The following LRWD1 variants were observed in gnomAD, a reference collection of about 807,000 sequenced individuals.
LRWD1 encodes leucine-rich repeat and WD repeat-containing protein 1.
LRWD1 carries 76 observed loss-of-function variants against 75.6 expected under a neutral mutation model. The ratio of observed to expected loss-of-function variants is 1.01; its 90% CI spans 0.84 to 1.22. The LOEUF (loss-of-function observed/expected upper bound fraction) is 1.22. Ranked by LOEUF, LRWD1 falls within the 50% of genes most tolerant of loss-of-function variation. LRWD1 has a pLI of 0.00. For synonymous variants in LRWD1, 487 were observed against 377.0 expected (o/e 1.29, Z -3.38); for missense variants, 917 against 862.0 (o/e 1.06, Z -0.80).
chr7:102,472,305 C>G lies in LRWD1; in HGVS notation c.1530C>G (p.Ile510Met). The G allele has an allele frequency of 1.3e-6, 2 of 1,572,802 alleles. No individual in the cohort carries two copies. The highest frequency in any genetic ancestry group is 2.3e-5 in the South Asian group (2 of 86,228). ...VDGLAFVNED[I>M]VASKGSGLGT... ...GGCTGGCATTTGTGAATGAGGACATCGTGGGTGAGTGAGCTCAGCTTGTGG... is the reference window on the plus strand; with the variant it reads ...GGCTGGCATTTGTGAATGAGGACATGGTGGGTGAGTGAGCTCAGCTTGTGG... Residue 510 changes from isoleucine (I) to methionine (M), a missense_variant, in exon 12 of 15, where the codon ATC becomes ATG. Transcript: ENST00000292616.
Position 102,473,036 on chromosome 7 carries a change from G to A in LRWD1, c.1931G>A (p.Trp644Ter). The A allele has an allele frequency of 6.2e-7, 1 of 1,613,438 alleles. No homozygotes were observed. The highest frequency in any genetic ancestry group is 8.5e-7 in the Non-Finnish European group (1 of 1,179,654). The change falls in exon 15 of 15, where the codon TGG becomes TAG. Residue 644 changes from tryptophan to a stop codon, truncating the protein, a stop_gained. Coordinates refer to ENST00000292616, the MANE Select transcript of LRWD1 (RefSeq NM_152892.3). LOFTEE classifies it high-confidence loss of function. Reference sequence around the variant, plus strand: ...ACGGACTCCAACATCGTAGCCATCTGGGGGAGGATGTAGCCTCACACCATC... The same window carrying A: ...ACGGACTCCAACATCGTAGCCATCTAGGGGAGGATGTAGCCTCACACCATC... Reference protein sequence around the residue: ...ALTDSNIVAIWGRM With the variant: ...ALTDSNIVAI
intron 5 of LRWD1, 90 bp downstream of exon 5, chr7:102,467,913 A>G: frequency 1.3e-6 from 2 of 1,503,570 alleles, no homozygotes; most frequent in African/African-American, 1.4e-5. Flanking sequence ...GCATGTGCCC[A>G]GGAAGCACCC....
rs1798276332 is a variant in LRWD1 at position 102,473,148 on chromosome 7, A to AAACTC, written c.*100_*104dup. 2.2e-6 allele frequency: 3 copies of AAACTC among 1,339,492 alleles called. No individual in the cohort carries two copies. Among genetic ancestry groups the AAACTC allele is most frequent in the Non-Finnish European group, 3.1e-6 (3 of 978,642 alleles). 83.0% of individuals were successfully genotyped at this position (1,339,492 alleles called of 1,614,324 possible). On this transcript the variant is annotated 3_prime_UTR_variant, in exon 15 of 15. Coordinates refer to ENST00000292616, the MANE Select transcript of LRWD1 (RefSeq NM_152892.3). ...GGGTCTTTCAGTGAATATTTTTATT[A>AAACTC]AACTCTACTGTGGACAAGAAGCCTG...
chr7:102,472,138 G>A, intron 11 of LRWD1, 80 bp from the exon 12 acceptor site: 5 of 1,282,460 alleles, frequency 3.9e-6, no homozygotes, highest in Non-Finnish European at 5.5e-6. Flanking sequence ...TCCCCAGCAG[G>A]TGCGCTGCAG....
At chr7:102,468,725 A>C (rs1798093601) in intron 8 of LRWD1, 71 bp downstream of exon 8, 1 of 1,530,206 alleles carries the variant, frequency 6.5e-7, no homozygotes, top group Non-Finnish European at 8.8e-7. Flanking sequence ...ATGGGGATGG[A>C]TGCAGGCTCG....
In LRWD1 at chr7:102,467,493, C is replaced by T. The variant is rs778776721; in HGVS notation, c.573+14C>T. On this transcript the variant is annotated intron_variant, in intron 4 of 14. Transcript: ENST00000292616. ...ACCCAGTGGCGGGTATGTCCCTGTC[C>T]CAATGTGCAGGGAGTCACTGGCTCT... 6.8e-6 allele frequency: 11 copies of T among 1,611,378 alleles called. No homozygotes were observed. The highest frequency in any genetic ancestry group is 2.2e-5 in the East Asian group (1 of 44,838).
In LRWD1 at chr7:102,468,818, T is replaced by C. The variant is rs769477723; in HGVS notation, c.1021-37T>C. 13 of 1,600,820 alleles carry C rather than the reference T, an allele frequency of 8.1e-6. No individual in the cohort carries two copies. The East Asian group carries it at 8.9e-5, about 11-fold the overall frequency. Reference sequence around the variant, plus strand: ...CTACCCGCGTGTTCACACCAATAGCTCTGCCCCAGTGACTGTTTACTCTAA... The same window carrying C: ...CTACCCGCGTGTTCACACCAATAGCCCTGCCCCAGTGACTGTTTACTCTAA... On this transcript the variant is annotated intron_variant, in intron 8 of 14. Coordinates refer to ENST00000292616, the MANE Select transcript of LRWD1 (RefSeq NM_152892.3).
chr7:102,467,171 GGTGTGTGTGT>G lies in LRWD1; in HGVS notation c.433-133_433-124del, dbSNP rs1209487514. Among the ~76,000 whole-genome samples, 88 of 99,136 alleles carry G rather than the reference GGTGTGTGTGT, an allele frequency of 8.9e-4. 2 individuals carry two copies. The highest frequency in any genetic ancestry group is 1.4e-3 in the African/African-American group (32 of 22,810). The allele number at this position is 99,136 out of a possible 152,430, so 65.0% of individuals were successfully genotyped here. ...TGGGTTGTTGCTGGGGTGTGTGTGG[GGTGTGTGTGT>G]GTGTGTGTGTGTGTGTGTGTGTGTG... On this transcript the variant is annotated intron_variant, in intron 3 of 14. Transcript: ENST00000292616.
chr7:102,465,245 T>G, intron 1 of LRWD1, 85 bp downstream of exon 1: 1 of 1,259,282 alleles, frequency 7.9e-7, no homozygotes, highest in Non-Finnish European at 1.0e-6. Flanking sequence ...ACGGCCCGCT[T>G]GTCCCCGTTA....
In LRWD1 at chr7:102,465,160, A is replaced by G. The variant is rs1797919665; in HGVS notation, c.80A>G (p.Asp27Gly). ...CGGCTGGGGAAGATCCGGAGTCTGGAGTAAGAGCCGGGCAGCGGGTGAGGC... is the reference window on the plus strand; with the variant it reads ...CGGCTGGGGAAGATCCGGAGTCTGGGGTAAGAGCCGGGCAGCGGGTGAGGC... ...SDRLGKIRSL[D>G]LSGLELLSEH... The change falls in exon 1 of 15, where the codon GAC becomes GGC. Residue 27 changes from aspartate to glycine, a missense_variant and splice_region_variant. Asp to Gly is a moderately conservative substitution (Grantham distance 94). Coordinates refer to ENST00000292616, the MANE Select transcript of LRWD1 (RefSeq NM_152892.3). 4 of 1,503,672 alleles carry G rather than the reference A, an allele frequency of 2.7e-6. No individual in the cohort carries two copies. Among genetic ancestry groups the G allele is most frequent in the Non-Finnish European group, 3.5e-6 (4 of 1,129,900 alleles). The allele number at this position is 1,503,672 out of a possible 1,614,324, so 93.1% of individuals were successfully genotyped here.
In LRWD1 at chr7:102,467,811, C is replaced by T; in HGVS notation, c.666C>T (p.Ala222=). The T allele has an allele frequency of 6.5e-7, 1 of 1,550,344 alleles. No homozygotes were observed. Among genetic ancestry groups the T allele is most frequent in the African/African-American group, 1.4e-5 (1 of 73,142 alleles). The change falls in exon 5 of 15, where the codon GCC becomes GCT. Residue 222 remains alanine, a synonymous_variant. Transcript: ENST00000292616. ...SPEKPPEAGA[A]HKPRARLAAL... is the part of the protein sequence containing the mutation. ...AGAAGCCCCCAGAAGCTGGAGCTGC[C>T]CACAAGCCCAGGGTGAGTGCAGCTC...
intron 5 of LRWD1, 37 bp downstream of exon 5, chr7:102,467,860 T>A: frequency 6.5e-7 from 1 of 1,541,362 alleles, no homozygotes; most frequent in Non-Finnish European, 8.8e-7. Flanking sequence ...GCCAGCCCAG[T>A]CCCTCCTCCC....
Position 102,467,432 on chromosome 7 carries a change from G to C in LRWD1, c.526G>C (p.Asp176His). The part of the protein sequence containing the change: ...QADFVKSAVR[D>H]VRYGPESLSE... ...GGACTTTGTGAAGTCGGCTGTCAGGGATGTCCGCTACGGGCCCGAGTCCCT... is the reference window on the plus strand; with the variant it reads ...GGACTTTGTGAAGTCGGCTGTCAGGCATGTCCGCTACGGGCCCGAGTCCCT... The change falls in exon 4 of 15, where the codon GAT becomes CAT. Residue 176 changes from aspartate to histidine, a missense_variant. Physicochemically the swap from Asp to His is moderately conservative, Grantham distance 81. Transcript: ENST00000292616. The C allele has an allele frequency of 6.2e-7, 1 of 1,613,820 alleles. No homozygotes were observed. Among genetic ancestry groups the C allele is most frequent in the Non-Finnish European group, 8.5e-7 (1 of 1,179,962 alleles).
intron 11 of LRWD1, chr7:102,471,631 T>A (rs887178635): frequency 6.3e-6 from 1 of 158,658 alleles, no homozygotes; most frequent in African/African-American, 2.4e-5. Context: ...TGGGCCACTC[T>A]CCTGGCTCCA....
rs758264818 is a variant in LRWD1, at chr7:102,467,502, A to G, written c.573+23A>G. ...CGGGTATGTCCCTGTCCCAATGTGCAGGGAGTCACTGGCTCTCGTATCTCT... is the reference window on the plus strand; with the variant it reads ...CGGGTATGTCCCTGTCCCAATGTGCGGGGAGTCACTGGCTCTCGTATCTCT... On this transcript the variant is annotated intron_variant, in intron 4 of 14. Transcript: ENST00000292616. 20 of 1,609,162 alleles carry G rather than the reference A, an allele frequency of 1.2e-5. No individual in the cohort carries two copies. The East Asian group carries it at 4.0e-4, about 32-fold the overall frequency.
rs1445286097 is a variant in LRWD1, at chr7:102,465,692, G to A, written c.81-125G>A. The A allele has an allele frequency of 2.1e-5, 14 of 680,114 alleles. 1 individual carries two copies. In the East Asian group the frequency reaches 3.5e-4, roughly 17 times the overall value. 42.1% of individuals were successfully genotyped at this position (680,114 alleles called of 1,614,324 possible). On this transcript the variant is annotated intron_variant, in intron 1 of 14. Transcript: ENST00000292616. ...GTCTCTAAAAATAAAGTAACGGGGGGATGGGCGGGGCGGCTACACTTGTAC... is the reference window on the plus strand; with the variant it reads ...GTCTCTAAAAATAAAGTAACGGGGGAATGGGCGGGGCGGCTACACTTGTAC...
rs1563655094 is a variant in LRWD1, at chr7:102,468,091, CGACGTCCCACT to C, written c.709_719del (p.Asp237GlnfsTer85). The stretch of plus-strand genomic sequence containing the variant: ...GACTGGCGGCCTTGAAACGGCCAGA[CGACGTCCCACT>C]CAGCCTCTCTCCCAGCAAGCGGGCG... On this transcript the variant is annotated frameshift_variant, in exon 6 of 15. Transcript: ENST00000292616. LOFTEE classifies it high-confidence loss of function. The C allele has an allele frequency of 1.2e-6, 2 of 1,609,400 alleles. No homozygotes were observed. Among genetic ancestry groups the C allele is most frequent in the Non-Finnish European group, 1.7e-6 (2 of 1,179,570 alleles).
rs201285161 is a variant in LRWD1 at position 102,472,629 on chromosome 7, C to T, written c.1690+20C>T. On this transcript the variant is annotated intron_variant, in intron 13 of 14. Transcript: ENST00000292616. The stretch of plus-strand genomic sequence containing the variant: ...GCCCTGGTGAGCCTGCCCCCCTGCC[C>T]GCCCCATCCCGCGGGCTTCCGGGAG... 1.7e-5 allele frequency: 27 copies of T among 1,609,650 alleles called. No homozygotes were observed. Among genetic ancestry groups the T allele is most frequent in the Middle Eastern group, 1.6e-4 (1 of 6,070 alleles).
chr7:102,472,342 C>G (rs1275343189), intron 12 of LRWD1, 33 bp downstream of exon 12: 4 of 1,555,336 alleles, frequency 2.6e-6, no homozygotes, highest in Middle Eastern at 1.7e-4. Context: ...ACAGCCTGGC[C>G]TCCGGGCACA....
Sources: allele counts gnomAD v4.1 joint callset (sites outside exome capture counted in the v4.1 genomes callset), GRCh38; gene constraint gnomAD v4.1.1; transcripts MANE v1.5; gene names NCBI Gene and HGNC (gene_info 2026-07-23, HGNC 2026-07-21).